HS3ST3B1: variants seen among roughly 807,000 people sequenced by gnomAD.
HS3ST3B1 encodes heparan sulfate glucosamine 3-O-sulfotransferase 3B1.
In HS3ST3B1, 13 loss-of-function variants were observed where a neutral mutation model predicts 21.3. That is an observed-to-expected ratio of 0.61 (90% CI 0.40 to 0.97). The LOEUF is 0.97. Ranked by LOEUF, HS3ST3B1 falls within the 50% of genes least tolerant of loss-of-function variation. The pLI is 0.00. For missense variants in HS3ST3B1, 459 were observed against 554.8 expected, an observed-to-expected ratio of 0.83 and a Z score of 1.73; for synonymous variants, 234 against 254.8, an observed-to-expected ratio of 0.92 and a Z score of 0.78.
intron 1 of HS3ST3B1, among the ~76,000 whole-genome samples, chr17:14,308,581 G>T (rs1008409272): frequency 6.6e-6 from 1 of 152,150 alleles, no homozygotes; most frequent in African/African-American, 2.4e-5. Context: ...TTTAGAGCTG[G>T]TTAAAGAGTA....
At position 14,301,396 on chromosome 17, in the gene HS3ST3B1, C is replaced by G; in HGVS notation, c.-123C>G. On this transcript the variant is annotated 5_prime_UTR_variant, in exon 1 of 2. Coordinates refer to ENST00000360954, the MANE Select transcript of HS3ST3B1 (RefSeq NM_006041.3). ...AGCAGCAGCGGCGGCCGCGGGCACA[C>G]GGGGGCAATAAACCGAGCCACCCGG... is the stretch of plus-strand genomic sequence containing the variant. The G allele has an allele frequency of 3.5e-6, 3 of 859,490 alleles. No homozygotes were observed. The highest frequency in any genetic ancestry group is 3.3e-5 in the East Asian group (1 of 30,070). 53.2% of individuals were successfully genotyped at this position (859,490 alleles called of 1,614,324 possible).
chr17:14,315,267 A>G (rs1016956508), intron 1 of HS3ST3B1, among the ~76,000 whole-genome samples: 2 of 152,104 alleles, frequency 1.3e-5, no homozygotes, highest in South Asian at 2.1e-4. Context: ...TTTTCCCCCA[A>G]TGCACTGTGG....
chr17:14,311,429 T>C (rs1200745037), intron 1 of HS3ST3B1, among the ~76,000 whole-genome samples: 2 of 152,126 alleles, frequency 1.3e-5, no homozygotes, highest in Non-Finnish European at 2.9e-5. Context: ...TTTAATAAAG[T>C]ACACAGATTT....
chr17:14,329,367 A>AAGAAAGAAAGAAAGAAAAGG (rs1555549453), intron 1 of HS3ST3B1: 67 of 106,202 alleles, frequency 6.3e-4, no homozygotes, highest in East Asian at 3.2e-3. Context: ...GAAAGAAAGA[A>AAGAAAGAAAGAAAGAAAAGG]AAGGAAGGAA....
At chr17:14,315,911 C>G (rs375674461) in intron 1 of HS3ST3B1, among the ~76,000 whole-genome samples, 1 of 151,754 alleles carries the variant, frequency 6.6e-6, no homozygotes, top group Non-Finnish European at 1.5e-5. Flanking sequence ...TAGCTAAAAA[C>G]AAAACAAAAC....
At chr17:14,325,714 G>T (rs767619714) in intron 1 of HS3ST3B1, among the ~76,000 whole-genome samples, 2 of 152,112 alleles carry the variant, frequency 1.3e-5, no homozygotes, top group Non-Finnish European at 2.9e-5. Flanking sequence ...GGTCTTAGTA[G>T]GCTCGCGGAG....
At chr17:14,326,096 A>C (rs937372934) in intron 1 of HS3ST3B1, among the ~76,000 whole-genome samples, 1 of 152,116 alleles carries the variant, frequency 6.6e-6, no homozygotes, top group African/African-American at 2.4e-5. Flanking sequence ...TGTAATAGTT[A>C]TGAAAAAGGA....
intron 1 of HS3ST3B1, among the ~76,000 whole-genome samples, chr17:14,336,348 C>T (rs577159652): frequency 2.0e-5 from 3 of 152,250 alleles, no homozygotes; most frequent in South Asian, 4.2e-4. Context: ...GGATATCACC[C>T]GAGGAAAGGA....
At position 14,335,897 on chromosome 17, in the gene HS3ST3B1, G is replaced by A. The variant is rs192222350; in HGVS notation, c.555-9131G>A. ...ATTGTTCTCTATCTTGATGATAGTG[G>A]TGGTTACACAATTCTATGCATTTGT... is the stretch of plus-strand genomic sequence containing the variant. On this transcript the variant is annotated intron_variant, in intron 1 of 1. Coordinates refer to ENST00000360954, the MANE Select transcript of HS3ST3B1 (RefSeq NM_006041.3). 6.6e-3 allele frequency among the ~76,000 whole-genome samples: 1,008 copies of A among 152,232 alleles called. 6 individuals are homozygous for A. The highest frequency in any genetic ancestry group is 0.01 in the Middle Eastern group (3 of 294).
rs1363706852 is a variant in HS3ST3B1 at position 14,347,260 on chromosome 17, A to G, written c.*1614A>G. 1 of 152,220 alleles carries G rather than the reference A, an allele frequency of 6.6e-6. No individual in the cohort carries two copies. The highest frequency in any genetic ancestry group is 1.5e-5 in the Non-Finnish European group (1 of 68,046). The allele number at this position is 152,220 out of a possible 1,614,324, so 9.4% of individuals were successfully genotyped here. On this transcript the variant is annotated 3_prime_UTR_variant, in exon 2 of 2. Coordinates refer to ENST00000360954, the MANE Select transcript of HS3ST3B1 (RefSeq NM_006041.3). ...GGGTTACCAGCACTGTCACTGCTCT[A>G]CAGAATGCTCTCCCCGTGCCTCTCT...
chr17:14,332,049 T>A (rs370765113), intron 1 of HS3ST3B1, among the ~76,000 whole-genome samples: 1 of 152,190 alleles, frequency 6.6e-6, no homozygotes, highest in Non-Finnish European at 1.5e-5. Context: ...CCCATGTCTA[T>A]GTTAAGTTTT....
rs1393069746 is a variant in HS3ST3B1, at chr17:14,303,366, C to A, written c.554+1294C>A. Among the ~76,000 whole-genome samples the A allele has an allele frequency of 6.6e-6, 1 of 152,212 alleles. No individual in the cohort carries two copies. Among genetic ancestry groups the A allele is most frequent in the Non-Finnish European group, 1.5e-5 (1 of 68,030 alleles). On this transcript the variant is annotated intron_variant, in intron 1 of 1. Coordinates refer to ENST00000360954, the MANE Select transcript of HS3ST3B1 (RefSeq NM_006041.3). The surrounding 1 kb of genome is among the most constrained non-coding windows in gnomAD (Gnocchi z 5.7). ...GGAGAATAAAAGAGGGCTGACCCCG[C>A]GGATTAAAACGGCTCCCTTCCCAGC... is the stretch of plus-strand genomic sequence containing the variant.
intron 1 of HS3ST3B1, among the ~76,000 whole-genome samples, chr17:14,322,869 A>AAGTTGAG (rs1176972922): frequency 6.8e-6 from 1 of 147,978 alleles, no homozygotes; most frequent in African/African-American, 2.5e-5. Context: ...GAATCTCCTG[A>AAGTTGAG]AGTTGAGAAG....
chr17:14,339,157 C>A (rs1910291679), intron 1 of HS3ST3B1, among the ~76,000 whole-genome samples: 1 of 152,066 alleles, frequency 6.6e-6, no homozygotes, highest in African/African-American at 2.4e-5. Flanking sequence ...TCCCTTCCTG[C>A]CCACGTGGTA....
chr17:14,301,597 C>T lies in HS3ST3B1; in HGVS notation c.79C>T (p.Pro27Ser), dbSNP rs1383025285. Residue 27 changes from proline (P) to serine (S), a missense_variant, in exon 1 of 2, where the codon CCG becomes TCG. Transcript: ENST00000360954. ...RLLPQPPPPP[P>S]PVRRKLALLF... ...CCTACCGCAGCCGCCGCCGCCCCCGCCGCCGGTGAGGAGGAAGCTCGCGCT... is the reference window on the plus strand; with the variant it reads ...CCTACCGCAGCCGCCGCCGCCCCCGTCGCCGGTGAGGAGGAAGCTCGCGCT... The T allele has an allele frequency of 3.1e-6, 5 of 1,603,430 alleles. No individual in the cohort carries two copies. The South Asian group carries it at 5.5e-5, about 18-fold the overall frequency.
intron 1 of HS3ST3B1, among the ~76,000 whole-genome samples, chr17:14,323,207 T>C (rs1909711344): frequency 6.6e-6 from 1 of 151,978 alleles, no homozygotes; most frequent in Non-Finnish European, 1.5e-5. Context: ...CACCTGGCCG[T>C]GTATATGTCT....
At chr17:14,320,795 G>A (rs915722589) in intron 1 of HS3ST3B1, among the ~76,000 whole-genome samples, 1 of 152,102 alleles carries the variant, frequency 6.6e-6, no homozygotes, top group Non-Finnish European at 1.5e-5. Context: ...TCTCAGCTCC[G>A]CAGACCTACA....
At chr17:14,323,814 C>T (rs1027112392) in intron 1 of HS3ST3B1, among the ~76,000 whole-genome samples, 1 of 152,162 alleles carries the variant, frequency 6.6e-6, no homozygotes, top group South Asian at 2.1e-4. Flanking sequence ...TGATTAATCT[C>T]CAAAACGTGC....
rs541054553 is a variant in HS3ST3B1 at position 14,301,569 on chromosome 17, G to C, written c.51G>C (p.Arg17=). Residue 17 remains arginine (R), a synonymous_variant, in exon 1 of 2, where the codon CGG becomes CGC. Transcript: ENST00000360954. Reference sequence around the variant, plus strand: ...GATCTTGCCTCGATGTCCCCGGCCGGCTCCTACCGCAGCCGCCGCCGCCCC... The same window carrying C: ...GATCTTGCCTCGATGTCCCCGGCCGCCTCCTACCGCAGCCGCCGCCGCCCC... ...GGRSCLDVPG[R]LLPQPPPPPP... 6.0e-5 allele frequency: 95 copies of C among 1,595,026 alleles called. No individual in the cohort carries two copies. The South Asian group carries it at 9.8e-4, about 16-fold the overall frequency.
Sources: allele counts gnomAD v4.1 joint callset (sites outside exome capture counted in the v4.1 genomes callset), GRCh38; gene constraint gnomAD v4.1.1; non-coding constraint Gnocchi (gnomAD v3.1); transcripts MANE v1.5; gene names NCBI Gene and HGNC (gene_info 2026-07-23, HGNC 2026-07-21).